Variants in STIM2 observed in about 807,000 individuals in gnomAD.
The protein encoded by STIM2 is stromal interaction molecule 2.
Under a neutral mutation model 85.8 loss-of-function variants are expected in STIM2, and 31 were observed. The observed-to-expected ratio is 0.36, with a 90% confidence interval of 0.27 to 0.49. The LOEUF (loss-of-function observed/expected upper bound fraction) is 0.49. Among genes scored for constraint, STIM2 ranks in the 20% least tolerant of loss-of-function variants. STIM2 has a pLI of 0.98. For missense variants in STIM2, 841 were observed against 927.6 expected, an observed-to-expected ratio of 0.91 and a Z score of 1.21; for synonymous variants, 356 against 331.1, an observed-to-expected ratio of 1.08 and a Z score of -0.82.
chr4:26,938,191 T>TA (rs35139922), intron 2 of STIM2, among the ~76,000 whole-genome samples: 9 of 151,606 alleles, frequency 5.9e-5, no homozygotes, highest in Non-Finnish European at 1.0e-4. Flanking sequence ...TTTTTTTTTT[T>TA]AAAACAAAAA....
At chr4:26,882,766 T>C (rs762819161) in intron 1 of STIM2, among the ~76,000 whole-genome samples, 68 of 151,884 alleles carry the variant, frequency 4.5e-4, no homozygotes, top group Non-Finnish European at 5.9e-4. Context: ...CCCATTAGTC[T>C]CTTCTTATGG....
At chr4:26,916,047 A>G (rs1006147963) in intron 1 of STIM2, among the ~76,000 whole-genome samples, 1 of 152,238 alleles carries the variant, frequency 6.6e-6, no homozygotes, top group Admixed American at 6.5e-5. Flanking sequence ...CTTTCAAACC[A>G]TTATAATTAT....
chr4:26,930,893 C>T (rs1419815354), intron 2 of STIM2, among the ~76,000 whole-genome samples: 1 of 152,172 alleles, frequency 6.6e-6, no homozygotes, highest in Non-Finnish European at 1.5e-5. Flanking sequence ...ACACACATTT[C>T]TCATTTCATG....
chr4:27,007,778 A>T (rs1728417481), intron 8 of STIM2, 78 bp downstream of exon 8: 1 of 1,392,108 alleles, frequency 7.2e-7, no homozygotes, highest in Non-Finnish European at 9.5e-7. Flanking sequence ...GCTGGGATAC[A>T]CAGATCTGAA....
At chr4:26,910,987 A>G (rs1724312311) in intron 1 of STIM2, among the ~76,000 whole-genome samples, 1 of 152,186 alleles carries the variant, frequency 6.6e-6, no homozygotes, top group Admixed American at 6.5e-5. Flanking sequence ...CTGTAATCCC[A>G]GCACTTTGAG....
chr4:26,957,757 C>G, intron 3 of STIM2, 31 bp downstream of exon 3: 1 of 1,365,144 alleles, frequency 7.3e-7, no homozygotes, highest in Admixed American at 1.9e-5. Flanking sequence ...TGGCCCCCTC[C>G]CCTTCTGCAC....
chr4:26,952,057 C>T (rs145794488), intron 2 of STIM2, among the ~76,000 whole-genome samples: 3 of 152,116 alleles, frequency 2.0e-5, no homozygotes, highest in African/African-American at 7.2e-5. Flanking sequence ...GTGAGACTTA[C>T]TACCACGAGA....
chr4:26,885,300 CAT>C (rs935910020), intron 1 of STIM2, among the ~76,000 whole-genome samples: 5 of 152,184 alleles, frequency 3.3e-5, no homozygotes, highest in African/African-American at 7.2e-5. Context: ...TGAATACTCA[CAT>C]GTTATTAGCA....
intron 2 of STIM2, among the ~76,000 whole-genome samples, chr4:26,923,424 C>T (rs963180224): frequency 6.6e-6 from 1 of 151,946 alleles, no homozygotes; most frequent in Non-Finnish European, 1.5e-5. Flanking sequence ...TCCAGCCAAA[C>T]TAAGCTTCGT....
intron 2 of STIM2, 47 bp from the exon 3 acceptor site, chr4:26,957,565 A>C: frequency 8.8e-7 from 1 of 1,130,094 alleles, no homozygotes; most frequent in African/African-American, 1.6e-5. Flanking sequence ...AGTTGTCAAG[A>C]CTAAGGTAAT....
At chr4:26,887,816 T>C (rs1484040460) in intron 1 of STIM2, among the ~76,000 whole-genome samples, 1 of 152,192 alleles carries the variant, frequency 6.6e-6, no homozygotes, top group Non-Finnish European at 1.5e-5. Flanking sequence ...AATTAATTGT[T>C]TTATACATGT....
chr4:26,930,410 T>G (rs1027060304), intron 2 of STIM2, among the ~76,000 whole-genome samples: 1 of 152,162 alleles, frequency 6.6e-6, no homozygotes, highest in Admixed American at 6.5e-5. Flanking sequence ...CTTTCCTTGT[T>G]CTAGTTTTTC....
intron 1 of STIM2, among the ~76,000 whole-genome samples, chr4:26,869,576 T>C (rs1181449580): frequency 1.3e-5 from 2 of 152,060 alleles, no homozygotes; most frequent in Non-Finnish European, 2.9e-5. Context: ...TTGCCCAGGC[T>C]GGAGTGCAGT....
intron 1 of STIM2, among the ~76,000 whole-genome samples, chr4:26,885,880 T>G (rs1317288810): frequency 7.2e-6 from 1 of 139,030 alleles, no homozygotes; most frequent in African/African-American, 2.6e-5. Context: ...TATATGTATA[T>G]GTCTATTCAT....
chr4:27,019,496 A>G (rs1415847806), intron 11 of STIM2: 3 of 1,289,718 alleles, frequency 2.3e-6, no homozygotes, highest in Non-Finnish European at 3.0e-6. Context: ...GCACTGTCTA[A>G]TAAAACTTCC....
chr4:27,016,522 A>G (rs1362397315), intron 10 of STIM2, among the ~76,000 whole-genome samples: 1 of 152,124 alleles, frequency 6.6e-6, no homozygotes, highest in Non-Finnish European at 1.5e-5. Flanking sequence ...AGTTTCATAG[A>G]CCCTCTGGTA....
chr4:26,959,236 T>C (rs942101497), intron 3 of STIM2, among the ~76,000 whole-genome samples: 1 of 152,200 alleles, frequency 6.6e-6, no homozygotes, highest in Non-Finnish European at 1.5e-5. Flanking sequence ...ACCTCTTCTA[T>C]TCCATGCATC....
intron 1 of STIM2, among the ~76,000 whole-genome samples, chr4:26,893,299 G>C (rs1230659710): frequency 2.6e-5 from 4 of 152,076 alleles, no homozygotes; most frequent in Non-Finnish European, 2.9e-5. Context: ...CCTACTGCCA[G>C]AGTTGTCATT....
At chr4:27,021,059 A>G in intron 11 of STIM2, 1 of 1,502,048 alleles carries the variant, frequency 6.7e-7, no homozygotes, top group South Asian at 1.2e-5. Flanking sequence ...AAAGCTCTCA[A>G]AAAAAAAAAG....
Sources: gnomAD v4.1 joint callset for allele counts (sites outside exome capture counted in the v4.1 genomes callset) on GRCh38, gnomAD v4.1.1 for gene constraint, MANE v1.5 for transcripts, NCBI Gene and HGNC (gene_info 2026-07-23, HGNC 2026-07-21) for gene names.